Variants in ITGB6 observed in about 807,000 individuals in gnomAD.
ITGB6 encodes integrin subunit beta 6, also known as integrin beta-6.
A neutral mutation model predicts 84.5 loss-of-function variants in ITGB6; 80 were observed. That is an observed-to-expected ratio of 0.95 (90% CI 0.79 to 1.14). The LOEUF (loss-of-function observed/expected upper bound fraction) is 1.14. Ranked by LOEUF, ITGB6 falls within the 50% of genes most tolerant of loss-of-function variation. The probability of loss-of-function intolerance (pLI) is 0.00; values close to 1 mark genes in which losing one functional copy is unlikely to be tolerated. For missense variants in ITGB6, 1,006 were observed against 968.0 expected (o/e 1.04, Z -0.52); for synonymous variants, 383 against 354.9 (o/e 1.08, Z -0.89).
chr2:160,190,224 G>T, intron 4 of ITGB6, among the ~76,000 whole-genome samples: 2 of 132,454 alleles, frequency 1.5e-5, no homozygotes, highest in African/African-American at 5.5e-5. Flanking sequence ...GGAGGGGGGA[G>T]GGTTAGCATT....
chr2:160,144,650 G>A (rs1684124585), intron 7 of ITGB6, among the ~76,000 whole-genome samples: 1 of 152,162 alleles, frequency 6.6e-6, no homozygotes. Flanking sequence ...AAAACATCCT[G>A]AGAACCCCAG....
At chr2:160,174,704 A>G (rs1449278844) in intron 4 of ITGB6, among the ~76,000 whole-genome samples, 1 of 152,184 alleles carries the variant, frequency 6.6e-6, no homozygotes, top group Non-Finnish European at 1.5e-5. Context: ...CTTAAGGTAC[A>G]ATGTTACGAT....
chr2:160,106,447 C>G (rs980955361), intron 14 of ITGB6, among the ~76,000 whole-genome samples: 1 of 152,038 alleles, frequency 6.6e-6, no homozygotes, highest in Non-Finnish European at 1.5e-5. Context: ...GCCATGTTGC[C>G]CAACTCGAAC....
At chr2:160,149,393 G>A (rs1433093372) in intron 7 of ITGB6, among the ~76,000 whole-genome samples, 1 of 152,170 alleles carries the variant, frequency 6.6e-6, no homozygotes, top group Non-Finnish European at 1.5e-5. Context: ...CTAACAAACA[G>A]AAAGGAATAG....
Position 160,101,377 on chromosome 2 carries a change from C to T in ITGB6, c.*359G>A, listed in dbSNP as rs533710194. On this transcript the variant is annotated 3_prime_UTR_variant, in exon 15 of 15. Coordinates refer to ENST00000283249, the MANE Select transcript of ITGB6 (RefSeq NM_000888.5). ...GAGTATATGGGCTTTGTGACTTTGC[C>T]GAGACAAAAAACTCAGGTAGCTGCA... is the stretch of plus-strand genomic sequence containing the variant. 2.0e-4 allele frequency: 49 copies of T among 250,648 alleles called. 1 individual carries two copies. The East Asian group carries it at 6.0e-3, about 31-fold the overall frequency. 15.5% of individuals were successfully genotyped at this position (250,648 alleles called of 1,614,324 possible).
At chr2:160,119,004 T>G (rs563842722) in intron 12 of ITGB6, among the ~76,000 whole-genome samples, 2 of 151,960 alleles carry the variant, frequency 1.3e-5, no homozygotes, top group African/African-American at 4.8e-5. Flanking sequence ...CACTGCTCAA[T>G]GAAATAAAAG....
chr2:160,188,105 T>C (rs1685975342), intron 4 of ITGB6, among the ~76,000 whole-genome samples: 2 of 152,352 alleles, frequency 1.3e-5, no homozygotes, highest in South Asian at 2.1e-4. Context: ...AAGAGAGTAA[T>C]GGTTTATCCA....
intron 4 of ITGB6, among the ~76,000 whole-genome samples, chr2:160,185,430 G>A (rs940128085): frequency 3.9e-5 from 6 of 152,114 alleles, no homozygotes; most frequent in East Asian, 3.8e-4. Flanking sequence ...GGATGTGAAG[G>A]ACCTCTTCAA....
At chr2:160,153,475 C>A (rs1684506284) in intron 7 of ITGB6, among the ~76,000 whole-genome samples, 1 of 152,112 alleles carries the variant, frequency 6.6e-6, no homozygotes, top group Non-Finnish European at 1.5e-5. Flanking sequence ...AACCTAAAAC[C>A]ATAAAAACCC....
At chr2:160,126,894 C>G (rs1358247400) in intron 10 of ITGB6, among the ~76,000 whole-genome samples, 1 of 152,132 alleles carries the variant, frequency 6.6e-6, no homozygotes, top group Non-Finnish European at 1.5e-5. Flanking sequence ...TGAATGGACC[C>G]CTCCTCTCAG....
At chr2:160,180,539 T>C (rs1049809367) in intron 4 of ITGB6, among the ~76,000 whole-genome samples, 4 of 152,158 alleles carry the variant, frequency 2.6e-5, no homozygotes, top group African/African-American at 7.2e-5. Context: ...TTTGGTGTGG[T>C]TTTTGAAGGG....
At chr2:160,193,822 T>C (rs1686232349) in intron 4 of ITGB6, among the ~76,000 whole-genome samples, 1 of 152,242 alleles carries the variant, frequency 6.6e-6, no homozygotes, top group Non-Finnish European at 1.5e-5. Flanking sequence ...TCTGCCATAC[T>C]ACCCCTGAAT....
chr2:160,137,081 G>A (rs1031042483), intron 10 of ITGB6, among the ~76,000 whole-genome samples: 8 of 151,586 alleles, frequency 5.3e-5, no homozygotes, highest in African/African-American at 1.9e-4. Context: ...AAAAAGAAAA[G>A]GTCAGTCAGA....
At chr2:160,133,189 A>G (rs573626628) in intron 10 of ITGB6, among the ~76,000 whole-genome samples, 4 of 152,292 alleles carry the variant, frequency 2.6e-5, no homozygotes, top group Non-Finnish European at 5.9e-5. Context: ...AAAGACACAC[A>G]TAGGCTCAAA....
intron 12 of ITGB6, among the ~76,000 whole-genome samples, chr2:160,116,610 G>A (rs1445214053): frequency 3.9e-5 from 6 of 151,900 alleles, no homozygotes; most frequent in Admixed American, 2.6e-4. Context: ...ATCAACTAAC[G>A]AGCAAAATAA....
At chr2:160,194,554 GA>G (rs1415050668) in intron 4 of ITGB6, among the ~76,000 whole-genome samples, 4 of 152,178 alleles carry the variant, frequency 2.6e-5, no homozygotes, top group African/African-American at 9.6e-5. Flanking sequence ...TACTTCCTCT[GA>G]GTATAGGGCT....
intron 4 of ITGB6, 141 bp downstream of exon 4, chr2:160,195,228 C>G (rs527387241): frequency 9.6e-7 from 1 of 1,042,350 alleles, no homozygotes; most frequent in African/African-American, 1.6e-5. Flanking sequence ...GCAACCTAGG[C>G]CTCTGAGAGA....
At chr2:160,173,344 G>A (rs905223950) in intron 5 of ITGB6, among the ~76,000 whole-genome samples, 5 of 152,150 alleles carry the variant, frequency 3.3e-5, no homozygotes, top group African/African-American at 9.7e-5. Flanking sequence ...GGGTAAAAAC[G>A]CATCCTGGCT....
chr2:160,135,193 C>A (rs2105814196), intron 10 of ITGB6, among the ~76,000 whole-genome samples: 1 of 151,108 alleles, frequency 6.6e-6, no homozygotes, highest in South Asian at 2.1e-4. Context: ...AGCTGATAAG[C>A]AACTTCAGCA....
Sources: gnomAD v4.1 joint callset for allele counts (sites outside exome capture counted in the v4.1 genomes callset) on GRCh38, gnomAD v4.1.1 for gene constraint, MANE v1.5 for transcripts, NCBI Gene and HGNC (gene_info 2026-07-23, HGNC 2026-07-21) for gene names.